Variants in GNG4 observed in about 807,000 individuals in gnomAD.
GNG4 encodes G protein subunit gamma 4.
Under a neutral mutation model 5.8 loss-of-function variants are expected in GNG4, and 4 were observed. That is an observed-to-expected ratio of 0.69 (90% confidence interval 0.34 to 1.57). The LOEUF is 1.57. GNG4 is among the 40% of genes most tolerant of loss of function. The pLI is 0.06. For missense variants in GNG4, 96 were observed against 95.1 expected, an observed-to-expected ratio of 1.01 and a Z score of -0.04; for synonymous variants, 29 against 32.9, an observed-to-expected ratio of 0.88 and a Z score of 0.41.
In GNG4 at chr1:235,597,585, TTGC is replaced by T. The variant is rs1162366497; in HGVS notation, c.-122-2077_-122-2075del. ...TAGTTTGTTTTTTTTTTTAACTTGT[TTGC>T]TGTGTGTGTGTGTGTGTGTGTGTGT... On this transcript the variant is annotated intron_variant, in intron 1 of 3. Transcript: ENST00000391854. Among the ~76,000 whole-genome samples the T allele has an allele frequency of 3.5e-4, 45 of 127,814 alleles. 1 individual carries two copies. Among genetic ancestry groups the T allele is most frequent in the African/African-American group, 1.3e-3 (43 of 32,706 alleles). 83.9% of individuals were successfully genotyped at this position (127,814 alleles called of 152,430 possible). A position where few individuals can be genotyped will look rare whatever the true frequency, so the allele number is the denominator to read the frequency against.
At chr1:235,570,939 CACACACAT>C (rs1687324901) in intron 3 of GNG4, among the ~76,000 whole-genome samples, 1 of 140,760 alleles carries the variant, frequency 7.1e-6, no homozygotes, top group African/African-American at 2.7e-5. Context: ...CACACACACA[CACACACAT>C]ATATATATAC....
At chr1:235,636,377 C>A (rs1487619795) in intron 1 of GNG4, among the ~76,000 whole-genome samples, 2 of 152,214 alleles carry the variant, frequency 1.3e-5, no homozygotes, top group Non-Finnish European at 2.9e-5. Context: ...AAAAGGGGAA[C>A]CCCAAAGGCA....
intron 1 of GNG4, among the ~76,000 whole-genome samples, chr1:235,628,323 A>T (rs982717676): frequency 3.3e-5 from 5 of 152,140 alleles, no homozygotes; most frequent in African/African-American, 1.2e-4. Flanking sequence ...TCTTGGCCAG[A>T]AGCAGGAGGA....
chr1:235,587,371 GTGTGTGTGT>G, intron 2 of GNG4, among the ~76,000 whole-genome samples: 2 of 42,310 alleles, frequency 4.7e-5, no homozygotes, highest in Admixed American at 2.6e-4. Flanking sequence ...GTGTGTGTGA[GTGTGTGTGT>G]GAGCACGTGT....
At chr1:235,592,729 G>A (rs902531208) in intron 2 of GNG4, among the ~76,000 whole-genome samples, 5 of 152,044 alleles carry the variant, frequency 3.3e-5, no homozygotes, top group African/African-American at 1.2e-4. Context: ...GCCATGTGTC[G>A]ATTTTACAAT....
chr1:235,579,497 T>G (rs1288745962), intron 3 of GNG4, among the ~76,000 whole-genome samples: 2 of 151,428 alleles, frequency 1.3e-5, no homozygotes, highest in African/African-American at 2.4e-5. Flanking sequence ...TCCTGTGCAC[T>G]GCTGGTGATG....
intron 3 of GNG4, among the ~76,000 whole-genome samples, chr1:235,553,602 G>A (rs942065224): frequency 6.6e-6 from 1 of 152,134 alleles, no homozygotes; most frequent in Non-Finnish European, 1.5e-5. Context: ...AGACCTAACC[G>A]CTTTAGCAAT....
At chr1:235,553,605 T>A (rs562061083) in intron 3 of GNG4, among the ~76,000 whole-genome samples, 3 of 152,366 alleles carry the variant, frequency 2.0e-5, no homozygotes, top group African/African-American at 7.2e-5. Flanking sequence ...CCTAACCGCT[T>A]TAGCAATGGC....
At chr1:235,607,987 G>C (rs1352637545) in intron 1 of GNG4, among the ~76,000 whole-genome samples, 1 of 150,996 alleles carries the variant, frequency 6.6e-6, no homozygotes, top group Non-Finnish European at 1.5e-5. Context: ...ACCCAGGCTG[G>C]AGTGCGGTGG....
chr1:235,589,968 C>T (rs1449368147), intron 2 of GNG4, among the ~76,000 whole-genome samples: 4 of 152,228 alleles, frequency 2.6e-5, no homozygotes, highest in Admixed American at 6.5e-5. Flanking sequence ...TAACACTTCA[C>T]AGGTCAGTAG....
intron 1 of GNG4, among the ~76,000 whole-genome samples, chr1:235,616,897 C>T (rs928156032): frequency 7.3e-6 from 1 of 136,876 alleles, no homozygotes; most frequent in East Asian, 2.1e-4. Flanking sequence ...CACAAACACA[C>T]CTGGCTAATT....
At chr1:235,630,398 C>T (rs905342963) in intron 1 of GNG4, among the ~76,000 whole-genome samples, 1 of 152,224 alleles carries the variant, frequency 6.6e-6, no homozygotes, top group African/African-American at 2.4e-5. Context: ...TGTGACTCAA[C>T]TACTTGAATA....
Position 235,592,623 on chromosome 1 carries a change from A to G in GNG4, c.-11+2777T>C, listed in dbSNP as rs1687999119. Among the ~76,000 whole-genome samples the G allele has an allele frequency of 2.0e-5, 3 of 152,202 alleles. No homozygotes were observed. The South Asian group carries it at 6.2e-4, about 32-fold the overall frequency. On this transcript the variant is annotated intron_variant, in intron 2 of 3. Coordinates refer to ENST00000391854, the MANE Select transcript of GNG4 (RefSeq NM_001098722.2). ...TTTTAAACAAAGCTTCTTTTCCTTA[A>G]GTGATTGCAAATCAGAAGATCTTTA...
At chr1:235,594,341 C>G (rs1218112875) in intron 2 of GNG4, among the ~76,000 whole-genome samples, 1 of 152,194 alleles carries the variant, frequency 6.6e-6, no homozygotes, top group Non-Finnish European at 1.5e-5. Context: ...CTCCAAGTCC[C>G]CACCAGACTC....
In GNG4 at chr1:235,556,059, G is replaced by A. The variant is rs540729299; in HGVS notation, c.100-3822C>T. Reference sequence around the variant, plus strand: ...TTTTTAAATTTTTGGTAGAGATGGGGTTTCTCCATGTTGGCCGGGCTGGTC... The same window carrying A: ...TTTTTAAATTTTTGGTAGAGATGGGATTTCTCCATGTTGGCCGGGCTGGTC... On this transcript the variant is annotated intron_variant, in intron 3 of 3. Coordinates refer to ENST00000391854, the MANE Select transcript of GNG4 (RefSeq NM_001098722.2). 1.1e-4 allele frequency among the ~76,000 whole-genome samples: 16 copies of A among 151,834 alleles called. 1 individual carries two copies. The highest frequency in any genetic ancestry group is 3.6e-4 in the African/African-American group (15 of 41,460).
At position 235,559,064 on chromosome 1, in the gene GNG4, T is replaced by A. The variant is rs1572610691; in HGVS notation, c.100-6827A>T. Among the ~76,000 whole-genome samples the A allele has an allele frequency of 2.0e-5, 3 of 152,348 alleles. No homozygotes were observed. In the South Asian group the frequency reaches 6.2e-4, roughly 32 times the overall value. On this transcript the variant is annotated intron_variant, in intron 3 of 3. Coordinates refer to ENST00000391854, the MANE Select transcript of GNG4 (RefSeq NM_001098722.2). ...GATGACATAATTATTATTGTGGCTG[T>A]GACACCCACTGCATTTATCCTTTGC...
At chr1:235,593,043 G>C (rs1025518449) in intron 2 of GNG4, among the ~76,000 whole-genome samples, 22 of 151,488 alleles carry the variant, frequency 1.5e-4, no homozygotes, top group African/African-American at 4.6e-4. Context: ...CCACCTCCCA[G>C]GTTCAAGCAA....
chr1:235,611,639 G>A (rs1296273024), intron 1 of GNG4, among the ~76,000 whole-genome samples: 1 of 152,172 alleles, frequency 6.6e-6, no homozygotes, highest in African/African-American at 2.4e-5. Context: ...AAGCAGGTGG[G>A]TTGTTTTTTA....
intron 3 of GNG4, among the ~76,000 whole-genome samples, chr1:235,567,217 A>G (rs1030788274): frequency 7.2e-5 from 11 of 152,184 alleles, no homozygotes; most frequent in Admixed American, 3.3e-4. Context: ...TACAGACTTG[A>G]GCCACTGCAC....
Sources: allele counts gnomAD v4.1 joint callset (sites outside exome capture counted in the v4.1 genomes callset), GRCh38; gene constraint gnomAD v4.1.1; transcripts MANE v1.5; gene names NCBI Gene and HGNC (gene_info 2026-07-23, HGNC 2026-07-21).